The following ANO6 variants were observed in gnomAD, a reference collection of about 807,000 sequenced individuals.
ANO6 encodes the protein anoctamin 6.
ANO6 carries 106 observed loss-of-function variants against 117.5 expected under a neutral mutation model. That is an observed-to-expected ratio of 0.90 (90% CI 0.77 to 1.06). The LOEUF is 1.06. Ranked by LOEUF, ANO6 falls within the 50% of genes least tolerant of loss-of-function variation. The pLI, the probability that ANO6 is intolerant of heterozygous loss-of-function variation, is 0.00. For synonymous variants in ANO6, 367 were observed against 385.1 expected (o/e 0.95, Z 0.55); for missense variants, 955 against 1,121.1 (o/e 0.85, Z 2.12).
chr12:45,216,313 G>A lies in ANO6; in HGVS notation c.-9G>A. On this transcript the variant is annotated 5_prime_UTR_variant, in exon 1 of 20. Coordinates refer to ENST00000320560, the MANE Select transcript of ANO6 (RefSeq NM_001025356.3). Reference sequence around the variant, plus strand: ...CGCGCCAAGTTCGGAGCCGCCTTCTGAGGGAGACATGAAAAAGATGAGCAG... The same window carrying A: ...CGCGCCAAGTTCGGAGCCGCCTTCTAAGGGAGACATGAAAAAGATGAGCAG... The A allele has an allele frequency of 6.2e-7, 1 of 1,607,014 alleles. No homozygotes were observed. The highest frequency in any genetic ancestry group is 1.1e-5 in the South Asian group (1 of 89,784).
intron 2 of ANO6, among the ~76,000 whole-genome samples, chr12:45,316,149 T>G (rs1186187939): frequency 6.6e-6 from 1 of 152,178 alleles, no homozygotes; most frequent in East Asian, 1.9e-4. Flanking sequence ...TTTCAGTTAA[T>G]TTATTTAATA....
rs3040995 is a variant in ANO6 at position 45,346,993 on chromosome 12, CTAACAT to C, written c.280-28_280-23del. 10,525 of 1,610,292 alleles carry C rather than the reference CTAACAT, an allele frequency of 6.5e-3. 473 individuals carry two copies. The African/African-American group carries it at 0.11, about 17-fold the overall frequency. On this transcript the variant is annotated intron_variant, in intron 3 of 19. Coordinates refer to ENST00000320560, the MANE Select transcript of ANO6 (RefSeq NM_001025356.3). The stretch of plus-strand genomic sequence containing the variant: ...TTTCTGCCTTTGGTAAACTAAAGGT[CTAACAT>C]ATATTCCAACTTCTTTTGACAGAGG...
At chr12:45,331,474 GA>G (rs1203966524) in intron 3 of ANO6, 51 bp downstream of exon 3, 2 of 1,483,940 alleles carry the variant, frequency 1.3e-6, no homozygotes, top group Non-Finnish European at 1.8e-6. Context: ...ATTGTAACAT[GA>G]AAAAACTGCT....
intron 10 of ANO6, among the ~76,000 whole-genome samples, chr12:45,387,689 C>T (rs955828488): frequency 3.9e-5 from 6 of 152,094 alleles, no homozygotes; most frequent in Middle Eastern, 3.2e-3. Flanking sequence ...ATTTGATTTG[C>T]CATATACAAA....
chr12:45,429,265 G>T lies in ANO6; in HGVS notation c.2687G>T (p.Arg896Leu), dbSNP rs112568951. The T allele has an allele frequency of 1.2e-6, 2 of 1,613,668 alleles. No homozygotes were observed. Among genetic ancestry groups the T allele is most frequent in the African/African-American group, 2.7e-5 (2 of 74,894 alleles). The stretch of plus-strand genomic sequence containing the variant: ...AAAAATATGGGGGTGATAGCTGAGC[G>T]GATGATAGAAGCAGTAGATAACAAT... ...MTKNMGVIAE[R>L]MIEAVDNNLR... The change falls in exon 20 of 20, where the codon CGG becomes CTG. Residue 896 changes from arginine (R) to leucine (L), a missense_variant. Arg to Leu is a moderately radical substitution (Grantham distance 102). Transcript: ENST00000320560.
chr12:45,431,003 G>A lies in ANO6; in HGVS notation c.*1692G>A, dbSNP rs757260021. The A allele has an allele frequency of 8.6e-5, 85 of 985,256 alleles. No homozygotes were observed. Among genetic ancestry groups the A allele is most frequent in the South Asian group, 1.4e-4 (3 of 21,276 alleles). 61.0% of individuals were successfully genotyped at this position (985,256 alleles called of 1,614,324 possible). Reference sequence around the variant, plus strand: ...TAGAGGCTTTTTACAATAAAGTAGCGTAACTCTAGGTCATGATTGATTTCA... The same window carrying A: ...TAGAGGCTTTTTACAATAAAGTAGCATAACTCTAGGTCATGATTGATTTCA... On this transcript the variant is annotated 3_prime_UTR_variant, in exon 20 of 20. Coordinates refer to ENST00000320560, the MANE Select transcript of ANO6 (RefSeq NM_001025356.3).
intron 1 of ANO6, among the ~76,000 whole-genome samples, chr12:45,287,548 A>G (rs1938957281): frequency 6.6e-6 from 1 of 152,226 alleles, no homozygotes; most frequent in South Asian, 2.1e-4. Flanking sequence ...CCCTGTGGGA[A>G]TGGTGAAAAG....
At chr12:45,394,162 A>C (rs1230026247) in intron 12 of ANO6, among the ~76,000 whole-genome samples, 1 of 152,208 alleles carries the variant, frequency 6.6e-6, no homozygotes, top group African/African-American at 2.4e-5. Context: ...TCTACCAAGC[A>C]AATGGAAAGC....
chr12:45,313,441 TTCA>T (rs1461153613), intron 2 of ANO6: 1 of 152,070 alleles, frequency 6.6e-6, no homozygotes, highest in East Asian at 1.9e-4. Context: ...TAAAATGATG[TTCA>T]TAATAATATA....
chr12:45,340,805 G>A (rs1333831392), intron 3 of ANO6, among the ~76,000 whole-genome samples: 2 of 152,114 alleles, frequency 1.3e-5, no homozygotes, highest in Non-Finnish European at 2.9e-5. Context: ...ATTCTACAGT[G>A]AAGTAAAGAT....
chr12:45,222,254 G>A (rs1361873164), intron 1 of ANO6, among the ~76,000 whole-genome samples: 8 of 151,936 alleles, frequency 5.3e-5, no homozygotes, highest in South Asian at 2.1e-4. Context: ...TCCGCCTCCC[G>A]GGTTCAAGTT....
chr12:45,305,661 A>G (rs1192514142), intron 2 of ANO6, among the ~76,000 whole-genome samples: 4 of 152,176 alleles, frequency 2.6e-5, no homozygotes, highest in Non-Finnish European at 5.9e-5. Flanking sequence ...AGACTCAGAT[A>G]ACCTTGTAGA....
chr12:45,434,872 TATCAC>T (rs1345384803), downstream of ANO6, among the ~76,000 whole-genome samples: 2 of 152,252 alleles, frequency 1.3e-5, no homozygotes, highest in African/African-American at 4.8e-5. Context: ...CATAGAGAAC[TATCAC>T]ATAAACACTC....
In ANO6 at chr12:45,421,143, T is replaced by G; in HGVS notation, c.2290T>G (p.Tyr764Asp). 6.2e-7 allele frequency: 1 copy of G among 1,614,062 alleles called. No individual in the cohort carries two copies. Among genetic ancestry groups the G allele is most frequent in the Non-Finnish European group, 8.5e-7 (1 of 1,179,992 alleles). ...VYYWSFSVPP[Y>D]GDHTSYTMEG... ...CTACTGGTCCTTCTCCGTCCCTCCCTACGGGGACCACACTTCCTACACCAT... is the reference window on the plus strand; with the variant it reads ...CTACTGGTCCTTCTCCGTCCCTCCCGACGGGGACCACACTTCCTACACCAT... The change falls in exon 18 of 20, where the codon TAC becomes GAC. Residue 764 changes from tyrosine (Y) to aspartate (D), a missense_variant. Transcript: ENST00000320560.
At chr12:45,378,936 T>C (rs1942101166) in intron 10 of ANO6, among the ~76,000 whole-genome samples, 1 of 152,234 alleles carries the variant, frequency 6.6e-6, no homozygotes. Context: ...AATTCCCATA[T>C]GGGAACTTTA....
chr12:45,363,679 A>G (rs1941614194), intron 8 of ANO6, among the ~76,000 whole-genome samples: 1 of 152,036 alleles, frequency 6.6e-6, no homozygotes, highest in African/African-American at 2.4e-5. Flanking sequence ...CATAATTCCC[A>G]CATGTTGTAG....
chr12:45,254,539 G>A (rs1937743292), intron 1 of ANO6, among the ~76,000 whole-genome samples: 1 of 152,212 alleles, frequency 6.6e-6, no homozygotes, highest in South Asian at 2.1e-4. Flanking sequence ...ACAATCACTT[G>A]TACTTACAGG....
chr12:45,374,168 C>G (rs1393423451), intron 9 of ANO6, among the ~76,000 whole-genome samples: 1 of 138,806 alleles, frequency 7.2e-6, no homozygotes, highest in Non-Finnish European at 1.5e-5. Flanking sequence ...AGTTGAATCT[C>G]TGAATAGACC....
At chr12:45,316,455 G>A (rs955884443) in intron 2 of ANO6, among the ~76,000 whole-genome samples, 4 of 152,054 alleles carry the variant, frequency 2.6e-5, no homozygotes, top group African/African-American at 9.7e-5. Flanking sequence ...AGAGGGAACT[G>A]CATGTGCAAA....
Sources: gnomAD v4.1 joint callset for allele counts (sites outside exome capture counted in the v4.1 genomes callset) on GRCh38, gnomAD v4.1.1 for gene constraint, MANE v1.5 for transcripts, NCBI Gene and HGNC (gene_info 2026-07-23, HGNC 2026-07-21) for gene names.